The following PPA2 variants were observed in gnomAD, a reference collection of about 807,000 sequenced individuals.
The protein encoded by PPA2 is inorganic pyrophosphatase 2, mitochondrial.
In PPA2, 48 loss-of-function variants were observed where a neutral mutation model predicts 49.5. The ratio of observed to expected loss-of-function variants is 0.97; its 90% CI spans 0.77 to 1.23. The LOEUF (loss-of-function observed/expected upper bound fraction) is 1.23. Ranked by LOEUF, PPA2 falls within the 50% of genes most tolerant of loss-of-function variation. The pLI is 0.00. For synonymous variants in PPA2, 131 were observed against 139.9 expected, an observed-to-expected ratio of 0.94 and a Z score of 0.45; for missense variants, 429 against 410.1, an observed-to-expected ratio of 1.05 and a Z score of -0.40.
chr4:105,429,372 C>T (rs991244839), intron 6 of PPA2, among the ~76,000 whole-genome samples: 3 of 151,448 alleles, frequency 2.0e-5, no homozygotes, highest in African/African-American at 7.3e-5. Context: ...CAGCTATCAT[C>T]AATGAGTCTG....
intron 2 of PPA2, among the ~76,000 whole-genome samples, chr4:105,455,003 A>ACCAGT (rs1722823727): frequency 6.6e-6 from 1 of 152,050 alleles, no homozygotes; most frequent in Non-Finnish European, 1.5e-5. Flanking sequence ...AACACTACCC[A>ACCAGT]CCAGTCACAT....
rs114580749 is a variant in PPA2 at position 105,458,095 on chromosome 4, A to G, written c.158-1350T>C. ...CCAAAGCTGGAACAATTTGAGCAAC[A>G]AAATATAAAACAAATATACATGAAT... On this transcript the variant is annotated intron_variant, in intron 1 of 11. Transcript: ENST00000341695. Among the ~76,000 whole-genome samples the G allele has an allele frequency of 4.9e-3, 753 of 152,320 alleles. 10 individuals are homozygous for G. The highest frequency in any genetic ancestry group is 0.017 in the African/African-American group (710 of 41,566).
rs375980857 is a variant in PPA2 at position 105,404,052 on chromosome 4, C to A, written c.656-4888G>T. On this transcript the variant is annotated intron_variant, in intron 7 of 11. Transcript: ENST00000341695. ...ATAGTAATGATATGACTTCAAAAGCCAAATTGATAAGGTATATTTTATATA... is the reference window on the plus strand; with the variant it reads ...ATAGTAATGATATGACTTCAAAAGCAAAATTGATAAGGTATATTTTATATA... Among the ~76,000 whole-genome samples the A allele has an allele frequency of 3.3e-5, 5 of 151,680 alleles. No homozygotes were observed. In the South Asian group the frequency reaches 6.3e-4, roughly 19 times the overall value.
At chr4:105,410,316 G>A (rs1400338429) in intron 7 of PPA2, among the ~76,000 whole-genome samples, 1 of 152,174 alleles carries the variant, frequency 6.6e-6, no homozygotes, top group Non-Finnish European at 1.5e-5. Context: ...GGATATCAGT[G>A]ACTGAAGATC....
Position 105,449,109 on chromosome 4 carries a change from T to C in PPA2, c.321+241A>G, listed in dbSNP as rs868108123. Among the ~76,000 whole-genome samples, 424 of 136,696 alleles carry C rather than the reference T, an allele frequency of 3.1e-3. 11 individuals carry two copies. Among genetic ancestry groups the C allele is most frequent in the Non-Finnish European group, 4.7e-3 (311 of 65,534 alleles). 89.7% of individuals were successfully genotyped at this position (136,696 alleles called of 152,430 possible). A position where few individuals can be genotyped will look rare whatever the true frequency, so the allele number is the denominator to read the frequency against. ...GCGGGCGCCTGTAGTCCTAGCTACT[T>C]GGGAGGCTGAGGCAGGAGAATGGCG... On this transcript the variant is annotated intron_variant, in intron 4 of 11. Coordinates refer to ENST00000341695, the MANE Select transcript of PPA2 (RefSeq NM_176869.3).
chr4:105,445,764 C>A (rs778847234), intron 5 of PPA2, among the ~76,000 whole-genome samples: 3 of 152,016 alleles, frequency 2.0e-5, no homozygotes, highest in Admixed American at 2.0e-4. Flanking sequence ...GAAGAGTTAC[C>A]TCTTCCTGGG....
At position 105,456,689 on chromosome 4, in the gene PPA2, A is replaced by T. The variant is rs1722887678; in HGVS notation, c.214T>A (p.Ser72Thr). The T allele has an allele frequency of 6.2e-7, 1 of 1,603,024 alleles. No homozygotes were observed. Among genetic ancestry groups the T allele is most frequent in the Admixed American group, 1.7e-5 (1 of 59,084 alleles). ...PFHDIPLKVN[S>T]KEENGIPMKK... is the part of the protein sequence containing the mutation. ...ACAAGTCAAAACAATACCTCTTTAG[A>T]GTTCACCTTCAGAGGAATATCATGA... Residue 72 changes from serine (S) to threonine (T), a missense_variant, in exon 2 of 12, where the codon TCT becomes ACT. Ser to Thr is a moderately conservative substitution (Grantham distance 58). Transcript: ENST00000341695.
At chr4:105,392,276 A>T (rs2713850) in intron 9 of PPA2, among the ~76,000 whole-genome samples, 1 of 151,660 alleles carries the variant, frequency 6.6e-6, no homozygotes, top group Admixed American at 6.6e-5. Flanking sequence ...ACAACAACAA[A>T]AAAAAAAACT....
chr4:105,413,867 A>T (rs1311762616), intron 7 of PPA2, among the ~76,000 whole-genome samples: 2 of 152,268 alleles, frequency 1.3e-5, no homozygotes, highest in Non-Finnish European at 2.9e-5. Flanking sequence ...GTGATGTATT[A>T]AAAAAGACTG....
intron 7 of PPA2, among the ~76,000 whole-genome samples, chr4:105,416,117 G>A (rs570678277): frequency 6.6e-6 from 1 of 152,210 alleles, no homozygotes; most frequent in East Asian, 1.9e-4. Context: ...AATTACCCAG[G>A]GAGCTTTATC....
intron 3 of PPA2, among the ~76,000 whole-genome samples, chr4:105,453,161 T>C (rs1164926048): frequency 6.6e-6 from 1 of 152,186 alleles, no homozygotes; most frequent in Non-Finnish European, 1.5e-5. Context: ...GTTTTCCCAT[T>C]GTAAAATGAA....
At chr4:105,423,756 T>C (rs1415836673) in intron 7 of PPA2, among the ~76,000 whole-genome samples, 1 of 152,200 alleles carries the variant, frequency 6.6e-6, no homozygotes, top group Non-Finnish European at 1.5e-5. Context: ...AAAAACTAGG[T>C]GCAGAAATAG....
chr4:105,435,041 C>T (rs1168701489), intron 6 of PPA2, among the ~76,000 whole-genome samples: 1 of 152,192 alleles, frequency 6.6e-6, no homozygotes, highest in African/African-American at 2.4e-5. Context: ...CCTCAAGGGA[C>T]TTAGAACATT....
At position 105,369,556 on chromosome 4, in the gene PPA2, G is replaced by T. The variant is rs765141439; in HGVS notation, c.*169C>A. On this transcript the variant is annotated 3_prime_UTR_variant, in exon 12 of 12. Coordinates refer to ENST00000341695, the MANE Select transcript of PPA2 (RefSeq NM_176869.3). The stretch of plus-strand genomic sequence containing the variant: ...CTTTTTATATCAATAAATGTCCAAA[G>T]GAGAGTAATTTAAAATTCTTACTGT... 16 of 617,172 alleles carry T rather than the reference G, an allele frequency of 2.6e-5. No individual in the cohort carries two copies. Among genetic ancestry groups the T allele is most frequent in the Non-Finnish European group, 4.2e-5 (15 of 356,812 alleles). The allele number at this position is 617,172 out of a possible 1,614,324, so 38.2% of individuals were successfully genotyped here.
At chr4:105,380,122 C>A (rs184824575) in intron 10 of PPA2, among the ~76,000 whole-genome samples, 46 of 152,198 alleles carry the variant, frequency 3.0e-4, no homozygotes, top group African/African-American at 1.1e-3. Flanking sequence ...CAATGCTGAA[C>A]AATAGTAGTA....
chr4:105,459,284 TC>T (rs1722991651), intron 1 of PPA2, among the ~76,000 whole-genome samples: 1 of 152,170 alleles, frequency 6.6e-6, no homozygotes, highest in Non-Finnish European at 1.5e-5. Flanking sequence ...AAAAAAAACT[TC>T]TCTTTCATAT....
At chr4:105,398,943 ATATATACAT>A in intron 8 of PPA2, 85 bp downstream of exon 8, 13 of 1,354,372 alleles carry the variant, frequency 9.6e-6, no homozygotes, top group Non-Finnish European at 1.3e-5. Context: ...TAACCATGCT[ATATATACAT>A]ATTCACATAA....
intron 1 of PPA2, among the ~76,000 whole-genome samples, chr4:105,463,207 TG>T (rs1231809336): frequency 2.6e-5 from 4 of 152,150 alleles, no homozygotes; most frequent in Admixed American, 6.5e-5. Context: ...AAATCCAGGC[TG>T]ATGTGGTCTC....
intron 3 of PPA2, among the ~76,000 whole-genome samples, chr4:105,452,511 T>C (rs1722715365): frequency 6.6e-6 from 1 of 152,178 alleles, no homozygotes; most frequent in South Asian, 2.1e-4. Flanking sequence ...ATCTGAATTT[T>C]TAACAAGCAC....
Sources: allele counts gnomAD v4.1 joint callset (sites outside exome capture counted in the v4.1 genomes callset), GRCh38; gene constraint gnomAD v4.1.1; transcripts MANE v1.5; gene names NCBI Gene and HGNC (gene_info 2026-07-23, HGNC 2026-07-21).